The following LYPD6B variants were observed in gnomAD, a reference collection of about 807,000 sequenced individuals.
LYPD6B encodes ly6/PLAUR domain-containing protein 6B.
In LYPD6B, 17 loss-of-function variants were observed where a neutral mutation model predicts 22.8. That is an observed-to-expected ratio of 0.75 (90% CI 0.51 to 1.12). The LOEUF (loss-of-function observed/expected upper bound fraction) is 1.12. LYPD6B is among the 50% of genes most tolerant of loss of function. LYPD6B has a pLI of 0.00. For missense variants in LYPD6B, 221 were observed against 258.3 expected (o/e 0.86, Z 0.99); for synonymous variants, 106 against 91.6 (o/e 1.16, Z -0.90).
intron 2 of LYPD6B, among the ~76,000 whole-genome samples, chr2:149,145,829 A>T (rs1366994588): frequency 6.6e-6 from 1 of 152,190 alleles, no homozygotes; most frequent in Non-Finnish European, 1.5e-5. Context: ...AAAGAGAAAT[A>T]AAAGCAATGC....
intron 1 of LYPD6B, among the ~76,000 whole-genome samples, chr2:149,040,156 G>GGA (rs974526804): frequency 1.3e-5 from 2 of 151,874 alleles, no homozygotes; most frequent in East Asian, 3.9e-4. Context: ...AGACAAAGAG[G>GGA]GAGAGAGAGA....
chr2:149,145,854 G>C (rs1688987362), intron 2 of LYPD6B, among the ~76,000 whole-genome samples: 3 of 152,190 alleles, frequency 2.0e-5, no homozygotes, highest in Admixed American at 2.0e-4. Context: ...AGGAATCTGG[G>C]AAGGTGCACA....
At chr2:149,155,991 A>G (rs1331418959) in intron 2 of LYPD6B, among the ~76,000 whole-genome samples, 1 of 152,188 alleles carries the variant, frequency 6.6e-6, no homozygotes, top group Non-Finnish European at 1.5e-5. Context: ...ATGTGCAAGG[A>G]TTTTTACCCC....
At chr2:149,156,951 C>T (rs561395997) in intron 2 of LYPD6B, among the ~76,000 whole-genome samples, 7 of 152,256 alleles carry the variant, frequency 4.6e-5, no homozygotes, top group African/African-American at 1.4e-4. Context: ...TGTGGTTGTA[C>T]ATCAGAAAGG....
At chr2:149,213,177 C>A in intron 6 of LYPD6B, 55 bp downstream of exon 6, 1 of 1,596,248 alleles carries the variant, frequency 6.3e-7, no homozygotes, top group Non-Finnish European at 8.6e-7. Flanking sequence ...TAATGTAAGT[C>A]GTAGATCAAA....
chr2:149,182,154 T>A (rs1331302453), intron 3 of LYPD6B, among the ~76,000 whole-genome samples: 1 of 152,228 alleles, frequency 6.6e-6, no homozygotes, highest in African/African-American at 2.4e-5. Flanking sequence ...CTTATATTTT[T>A]AAATTTTTGT....
chr2:149,071,423 A>T (rs1448649755), intron 1 of LYPD6B, among the ~76,000 whole-genome samples: 3 of 152,174 alleles, frequency 2.0e-5, no homozygotes, highest in African/African-American at 7.2e-5. Flanking sequence ...CAAATCTTTG[A>T]AAGTTGAAAT....
intron 1 of LYPD6B, among the ~76,000 whole-genome samples, chr2:149,130,362 G>T (rs982590094): frequency 6.6e-6 from 1 of 152,108 alleles, no homozygotes; most frequent in Non-Finnish European, 1.5e-5. Context: ...GTTTGGCTTG[G>T]GTCCTATAGC....
chr2:149,205,137 A>G (rs1693424518), intron 3 of LYPD6B, 116 bp from the exon 4 acceptor site: 14 of 1,086,206 alleles, frequency 1.3e-5, no homozygotes, highest in Non-Finnish European at 1.8e-5. Context: ...CTGGCCCTAC[A>G]CAACAGGTAG....
At chr2:149,137,141 G>C (rs1688414913) in intron 2 of LYPD6B, among the ~76,000 whole-genome samples, 1 of 152,152 alleles carries the variant, frequency 6.6e-6, no homozygotes, top group South Asian at 2.1e-4. Context: ...AAGGACTTTA[G>C]GTATTGTTTT....
chr2:149,120,383 A>ATTTTTTTT lies in LYPD6B; in HGVS notation c.-66-10488_-66-10481dup, dbSNP rs869074241. On this transcript the variant is annotated intron_variant, in intron 1 of 6. Coordinates refer to ENST00000409642, the MANE Select transcript of LYPD6B (RefSeq NM_177964.5). Reference sequence around the variant, plus strand: ...TGTGTATATATATATATATATATATATTTTTTTTTTTTTTTTTTTGAGATG... The same window carrying ATTTTTTTT: ...TGTGTATATATATATATATATATATATTTTTTTTTTTTTTTTTTTTTTTTTTTGAGATG... Among the ~76,000 whole-genome samples the ATTTTTTTT allele has an allele frequency of 2.0e-3, 97 of 48,610 alleles. 9 individuals are homozygous for ATTTTTTTT. The highest frequency in any genetic ancestry group is 9.2e-3 in the East Asian group (6 of 650). The allele number at this position is 48,610 out of a possible 152,430, so 31.9% of individuals were successfully genotyped here.
At chr2:149,130,150 G>A (rs6432964) in intron 1 of LYPD6B, among the ~76,000 whole-genome samples, 97,907 of 152,102 alleles carry the variant, frequency 0.64, 31,727 homozygotes, top group East Asian at 0.91. Flanking sequence ...ATTCATCAGG[G>A]CACAGAAGGA....
intron 1 of LYPD6B, among the ~76,000 whole-genome samples, chr2:149,082,421 A>G (rs990940316): frequency 3.9e-5 from 6 of 152,194 alleles, no homozygotes; most frequent in Non-Finnish European, 1.5e-5. Flanking sequence ...ATGATTATAG[A>G]TGCCTAGACA....
At chr2:149,211,040 T>C (rs922912630) in intron 5 of LYPD6B, among the ~76,000 whole-genome samples, 4 of 152,152 alleles carry the variant, frequency 2.6e-5, no homozygotes. Context: ...CTTACAATCA[T>C]GGCAGAAGGC....
At chr2:149,146,725 A>G (rs1322407125) in intron 2 of LYPD6B, among the ~76,000 whole-genome samples, 1 of 151,630 alleles carries the variant, frequency 6.6e-6, no homozygotes, top group African/African-American at 2.4e-5. Flanking sequence ...AATATTAACA[A>G]CCCCAAGGAT....
intron 3 of LYPD6B, among the ~76,000 whole-genome samples, chr2:149,170,741 A>G (rs1690760459): frequency 6.6e-6 from 1 of 152,210 alleles, no homozygotes; most frequent in Non-Finnish European, 1.5e-5. Flanking sequence ...TTTGTGGGTT[A>G]ATAGAAAATC....
Position 149,166,891 on chromosome 2 carries a change from A to G in LYPD6B, c.77+6056A>G, listed in dbSNP as rs539645788. 1.1e-3 allele frequency among the ~76,000 whole-genome samples: 167 copies of G among 151,976 alleles called. 2 individuals are homozygous for G. Among genetic ancestry groups the G allele is most frequent in the South Asian group, 7.3e-3 (35 of 4,812 alleles). The stretch of plus-strand genomic sequence containing the variant: ...TGCAGACTGCCCCGCCCCTTCCATC[A>G]TTGCTCACCTTCCCACACCAAAAAC... On this transcript the variant is annotated intron_variant, in intron 3 of 6. Coordinates refer to ENST00000409642, the MANE Select transcript of LYPD6B (RefSeq NM_177964.5).
intron 1 of LYPD6B, among the ~76,000 whole-genome samples, chr2:149,120,410 A>G (rs1272949632): frequency 4.0e-5 from 3 of 75,514 alleles, no homozygotes; most frequent in Non-Finnish European, 6.9e-5. Flanking sequence ...TTTGAGATGG[A>G]GTCTTGCTAT....
chr2:149,097,797 T>C (rs1044015716), intron 1 of LYPD6B, among the ~76,000 whole-genome samples: 12 of 152,356 alleles, frequency 7.9e-5, no homozygotes, highest in African/African-American at 2.9e-4. Context: ...TTAGCAGCTT[T>C]GGGAAAAGTC....
Sources: allele counts gnomAD v4.1 joint callset (sites outside exome capture counted in the v4.1 genomes callset), GRCh38; gene constraint gnomAD v4.1.1; transcripts MANE v1.5; gene names NCBI Gene and HGNC (gene_info 2026-07-23, HGNC 2026-07-21).